Variants in PCDH7 observed in about 807,000 individuals in gnomAD.
PCDH7 encodes the protein protocadherin 7, also known as protocadherin-7.
Under a neutral mutation model 58.9 loss-of-function variants are expected in PCDH7, and 17 were observed. That is an observed-to-expected ratio of 0.29 (90% CI 0.20 to 0.43). The LOEUF is 0.43. PCDH7 is among the 20% of genes least tolerant of loss of function. The pLI is 1.00. For synonymous variants in PCDH7, 664 were observed against 616.4 expected (o/e 1.08, Z -1.14); for missense variants, 1,274 against 1,441.0 (o/e 0.88, Z 1.88).
intron 1 of PCDH7, among the ~76,000 whole-genome samples, chr4:30,868,299 G>A (rs1735125220): frequency 6.6e-6 from 1 of 152,040 alleles, no homozygotes; most frequent in Non-Finnish European, 1.5e-5. Flanking sequence ...TGGTGATTTA[G>A]GTTCATTTGC....
At chr4:31,049,317 G>A (rs1462108954) in intron 3 of PCDH7, among the ~76,000 whole-genome samples, 2 of 151,998 alleles carry the variant, frequency 1.3e-5, no homozygotes, top group Admixed American at 6.6e-5. Context: ...GAGTAATTGT[G>A]AGTGTTATAG....
At chr4:30,887,082 T>A (rs1737918242) in intron 1 of PCDH7, among the ~76,000 whole-genome samples, 1 of 151,598 alleles carries the variant, frequency 6.6e-6, no homozygotes, top group African/African-American at 2.4e-5. Flanking sequence ...TATACATATG[T>A]AACTAACCTG....
At chr4:30,946,690 T>TTGTGTGTGTG (rs112524366) in intron 2 of PCDH7, among the ~76,000 whole-genome samples, 5,204 of 137,532 alleles carry the variant, frequency 0.038, 154 homozygotes, top group East Asian at 0.12. Context: ...CTTATCTCTT[T>TTGTGTGTGTG]TGTGTGTGTG....
chr4:31,137,303 C>T (rs1719718781), intron 3 of PCDH7, among the ~76,000 whole-genome samples: 2 of 152,236 alleles, frequency 1.3e-5, no homozygotes, highest in South Asian at 4.1e-4. Context: ...AAATACCAGG[C>T]CGGGAGCAGA....
chr4:31,040,196 G>A (rs1290013979), intron 3 of PCDH7, among the ~76,000 whole-genome samples: 3 of 152,128 alleles, frequency 2.0e-5, no homozygotes, highest in Non-Finnish European at 2.9e-5. Context: ...ACTCCAATCA[G>A]GATATAGAAT....
chr4:30,956,467 C>T (rs765845661), intron 3 of PCDH7, among the ~76,000 whole-genome samples: 2 of 152,166 alleles, frequency 1.3e-5, no homozygotes, highest in African/African-American at 2.4e-5. Context: ...TACTAATTCT[C>T]ATTTGTGGAA....
intron 1 of PCDH7, among the ~76,000 whole-genome samples, chr4:30,869,243 G>C (rs1735243905): frequency 6.6e-6 from 1 of 151,988 alleles, no homozygotes; most frequent in African/African-American, 2.4e-5. Context: ...TTAAGATATT[G>C]TAGTTTAGCC....
chr4:30,947,612 G>A (rs1746863596), intron 2 of PCDH7, among the ~76,000 whole-genome samples: 1 of 151,978 alleles, frequency 6.6e-6, no homozygotes, highest in South Asian at 2.1e-4. Context: ...TGTACCTAGC[G>A]ATGATTCAAT....
intron 3 of PCDH7, among the ~76,000 whole-genome samples, chr4:31,049,377 G>C (rs1326256986): frequency 1.3e-5 from 2 of 152,106 alleles, no homozygotes; most frequent in Admixed American, 6.6e-5. Context: ...TGATTTACAA[G>C]TTCAGTGATA....
chr4:30,811,159 A>G (rs1419823050), intron 1 of PCDH7, among the ~76,000 whole-genome samples: 1 of 152,176 alleles, frequency 6.6e-6, no homozygotes, highest in Admixed American at 6.5e-5. Context: ...CATTCCTTTC[A>G]TGTAGAAGGA....
intron 3 of PCDH7, among the ~76,000 whole-genome samples, chr4:31,082,595 T>A (rs1291256169): frequency 6.6e-6 from 1 of 152,138 alleles, no homozygotes; most frequent in South Asian, 2.1e-4. Context: ...CAGAAGTTGA[T>A]TTTACAGGAA....
rs1457975756 is a variant in PCDH7, at chr4:31,122,916, T to C, written c.*8-19557T>C. Among the ~76,000 whole-genome samples, 9 of 152,002 alleles carry C rather than the reference T, an allele frequency of 5.9e-5. No individual in the cohort carries two copies. In the East Asian group the frequency reaches 1.7e-3, roughly 29 times the overall value. ...TATCTGCAAGTCACAAAAGATTAAGTTTCAGTTAACTTTGAATAGCTAGTA... is the reference window on the plus strand; with the variant it reads ...TATCTGCAAGTCACAAAAGATTAAGCTTCAGTTAACTTTGAATAGCTAGTA... On this transcript the variant is annotated intron_variant, in intron 3 of 3. Coordinates refer to the PCDH7 transcript ENST00000509759.
At chr4:31,014,228 T>C (rs1479752292) in intron 3 of PCDH7, among the ~76,000 whole-genome samples, 1 of 152,084 alleles carries the variant, frequency 6.6e-6, no homozygotes, top group Non-Finnish European at 1.5e-5. Context: ...AATAGCGTAA[T>C]TATAAAAATG....
Position 30,808,678 on chromosome 4 carries a change from G to A in PCDH7, c.70+84082G>A, listed in dbSNP as rs548467671. On this transcript the variant is annotated intron_variant, in intron 1 of 3. Coordinates refer to the PCDH7 transcript ENST00000509759. ...GATAAAAACAAATTGTAGAAATATAGGCTCACTAATTTCTAGTAATATTTT... is the reference window on the plus strand; with the variant it reads ...GATAAAAACAAATTGTAGAAATATAAGCTCACTAATTTCTAGTAATATTTT... Among the ~76,000 whole-genome samples the A allele has an allele frequency of 6.1e-4, 93 of 152,148 alleles. 1 individual carries two copies. The highest frequency in any genetic ancestry group is 2.2e-3 in the African/African-American group (91 of 41,518).
intron 3 of PCDH7, among the ~76,000 whole-genome samples, chr4:31,012,052 T>C (rs1312556345): frequency 6.6e-6 from 1 of 152,104 alleles, no homozygotes. Context: ...CAGCACCAAA[T>C]CTTCTTAGAA....
At chr4:30,798,185 G>A (rs1318876212) in intron 1 of PCDH7, among the ~76,000 whole-genome samples, 5 of 152,176 alleles carry the variant, frequency 3.3e-5, no homozygotes, top group Non-Finnish European at 7.3e-5. Context: ...TTAAGTTGAA[G>A]GAGATTCAAC....
chr4:30,800,734 G>T (rs1323605798), intron 1 of PCDH7, among the ~76,000 whole-genome samples: 3 of 152,188 alleles, frequency 2.0e-5, no homozygotes, highest in African/African-American at 7.2e-5. Context: ...AAGTCAAGAG[G>T]TATCAAAGTG....
chr4:31,004,175 C>G (rs985030257), intron 3 of PCDH7, among the ~76,000 whole-genome samples: 2 of 151,998 alleles, frequency 1.3e-5, no homozygotes, highest in Non-Finnish European at 2.9e-5. Flanking sequence ...TGGAGAGACA[C>G]GTTTAACTTC....
chr4:30,946,069 C>T (rs1449192336), intron 2 of PCDH7, among the ~76,000 whole-genome samples: 2 of 152,138 alleles, frequency 1.3e-5, no homozygotes, highest in African/African-American at 4.8e-5. Flanking sequence ...TGAGTATAAC[C>T]ATGACAGACT....
Sources: gnomAD v4.1 joint callset for allele counts (sites outside exome capture counted in the v4.1 genomes callset) on GRCh38, gnomAD v4.1.1 for gene constraint, MANE v1.5 for transcripts, NCBI Gene and HGNC (gene_info 2026-07-23, HGNC 2026-07-21) for gene names.